Variants in ATP8A1 observed in about 807,000 individuals in gnomAD.
The protein encoded by ATP8A1 is phospholipid-transporting ATPase IA.
In ATP8A1, 90 loss-of-function variants were observed where a neutral mutation model predicts 177.7. The observed-to-expected ratio is 0.51, with a 90% CI of 0.43 to 0.60. ATP8A1 has a LOEUF of 0.60. Ranked by LOEUF, ATP8A1 falls within the 20% of genes least tolerant of loss-of-function variation. ATP8A1 has a pLI of 0.00. For synonymous variants in ATP8A1, 493 were observed against 485.9 expected (o/e 1.01, Z -0.19); for missense variants, 1,072 against 1,392.8 (o/e 0.77, Z 3.67).
intron 14 of ATP8A1, among the ~76,000 whole-genome samples, chr4:42,574,112 T>A (rs1031934230): frequency 2.6e-5 from 4 of 152,216 alleles, no homozygotes; most frequent in Non-Finnish European, 5.9e-5. Flanking sequence ...AAGTTTCTGA[T>A]GATATTAATT....
chr4:42,588,418 C>T (rs1733840393), intron 7 of ATP8A1, 89 bp from the exon 8 acceptor site: 3 of 1,084,262 alleles, frequency 2.8e-6, no homozygotes, highest in Non-Finnish European at 4.1e-6. Context: ...TCACTAAAGC[C>T]TTTCGTTCTA....
intron 6 of ATP8A1, among the ~76,000 whole-genome samples, chr4:42,593,616 C>T (rs961101309): frequency 5.9e-5 from 9 of 151,818 alleles, no homozygotes; most frequent in African/African-American, 1.9e-4. Flanking sequence ...GATAAACAAC[C>T]TCTAAAATAT....
intron 24 of ATP8A1, among the ~76,000 whole-genome samples, chr4:42,500,825 A>C (rs1256542727): frequency 1.3e-5 from 2 of 152,188 alleles, no homozygotes; most frequent in Non-Finnish European, 2.9e-5. Flanking sequence ...TTATGTATTT[A>C]TTTAAATGTT....
intron 24 of ATP8A1, among the ~76,000 whole-genome samples, chr4:42,495,973 C>T (rs895772948): frequency 6.6e-6 from 1 of 152,134 alleles, no homozygotes; most frequent in Non-Finnish European, 1.5e-5. Flanking sequence ...GGTCCAATCT[C>T]CCAGAAGGGT....
chr4:42,579,161 A>G, intron 11 of ATP8A1, among the ~76,000 whole-genome samples: 1 of 151,900 alleles, frequency 6.6e-6, no homozygotes, highest in Admixed American at 6.6e-5. Flanking sequence ...GGGGTGGTAC[A>G]TTAATATCAC....
intron 25 of ATP8A1, among the ~76,000 whole-genome samples, chr4:42,467,509 T>A (rs111807396): frequency 6.6e-6 from 1 of 151,922 alleles, no homozygotes; most frequent in Admixed American, 6.6e-5. Flanking sequence ...CTGGGCAACA[T>A]GGTAAAATCC....
intron 15 of ATP8A1, among the ~76,000 whole-genome samples, chr4:42,565,042 G>A (rs145607019): frequency 0.12 from 18,415 of 152,152 alleles, 1,469 homozygotes; most frequent in East Asian, 0.32. Context: ...TGCCATCCAC[G>A]TAAGACATGA....
chr4:42,528,165 C>T (rs1396457561), intron 20 of ATP8A1, among the ~76,000 whole-genome samples: 3 of 152,048 alleles, frequency 2.0e-5, no homozygotes. Context: ...CCGGGCTCAT[C>T]CTGTGGTCAT....
chr4:42,464,764 C>A lies in ATP8A1; in HGVS notation c.2545G>T (p.Ala849Ser). 1 of 1,613,652 alleles carries A rather than the reference C, an allele frequency of 6.2e-7. No individual in the cohort carries two copies. ...TTGGAGACTCTGTTATAGTTCCAGG[C>A]ACCATGAATCATCAGTAAATTCTTC... Reference protein sequence around the residue: ...YLKNLLMIHGAWNYNRVSKCI... With the variant: ...YLKNLLMIHGSWNYNRVSKCI... Residue 849 changes from alanine (A) to serine (S), a missense_variant, in exon 27 of 37, where the codon GCC becomes TCC. By Grantham distance (99) the Ala-to-Ser change is moderately conservative. Around this residue, in one of 5 missense-constraint regions of ATP8A1, gnomAD observed 316 missense variants for 459.1 expected, o/e 0.69. Coordinates refer to ENST00000381668, the MANE Select transcript of ATP8A1 (RefSeq NM_006095.2).
intron 1 of ATP8A1, among the ~76,000 whole-genome samples, chr4:42,646,588 C>A (rs917231293): frequency 1.3e-5 from 2 of 152,156 alleles, no homozygotes; most frequent in African/African-American, 2.4e-5. Context: ...CTCAACCCTG[C>A]ATACCATTGT....
At chr4:42,459,735 AGT>A (rs1384344673) in intron 27 of ATP8A1, among the ~76,000 whole-genome samples, 1 of 152,136 alleles carries the variant, frequency 6.6e-6, no homozygotes, top group Non-Finnish European at 1.5e-5. Flanking sequence ...TGAACGAGTA[AGT>A]TCATTTACGT....
intron 25 of ATP8A1, among the ~76,000 whole-genome samples, chr4:42,480,454 TAA>T (rs1242732934): frequency 3.9e-5 from 6 of 152,350 alleles, no homozygotes; most frequent in Admixed American, 3.9e-4. Flanking sequence ...TAACAGTTTG[TAA>T]AAGTCTTTTC....
intron 5 of ATP8A1, among the ~76,000 whole-genome samples, chr4:42,601,947 T>C (rs1040088686): frequency 6.6e-6 from 1 of 152,120 alleles, no homozygotes; most frequent in African/African-American, 2.4e-5. Context: ...TAAATTAAAA[T>C]ATTATCTGTG....
intron 25 of ATP8A1, among the ~76,000 whole-genome samples, chr4:42,479,998 G>GTGTA (rs1428133491): frequency 1.0e-4 from 15 of 144,824 alleles, no homozygotes; most frequent in Admixed American, 7.6e-4. Context: ...AGTTCTGCTT[G>GTGTA]TGTGTGTGTG....
chr4:42,484,885 C>G (rs1033569293), intron 25 of ATP8A1, among the ~76,000 whole-genome samples: 1 of 152,130 alleles, frequency 6.6e-6, no homozygotes, highest in East Asian at 1.9e-4. Flanking sequence ...TACTTTAGGT[C>G]TTAGGAAGAC....
intron 18 of ATP8A1, among the ~76,000 whole-genome samples, chr4:42,549,866 G>A (rs560987426): frequency 9.2e-5 from 14 of 152,142 alleles, no homozygotes; most frequent in African/African-American, 2.4e-4. Context: ...CAAATACAAC[G>A]ATGTTCAGCT....
chr4:42,549,373 T>C (rs1729261061), intron 18 of ATP8A1, among the ~76,000 whole-genome samples: 1 of 152,066 alleles, frequency 6.6e-6, no homozygotes, highest in African/African-American at 2.4e-5. Flanking sequence ...AATGAACAGA[T>C]TATGTGGTGT....
intron 7 of ATP8A1, among the ~76,000 whole-genome samples, chr4:42,589,845 AATT>A (rs1733979785): frequency 1.0e-5 from 1 of 96,328 alleles, no homozygotes; most frequent in African/African-American, 3.7e-5. Context: ...ATAATATTCT[AATT>A]CTACTTTTTT....
At chr4:42,451,106 A>G (rs1717885092) in intron 30 of ATP8A1, among the ~76,000 whole-genome samples, 1 of 152,116 alleles carries the variant, frequency 6.6e-6, no homozygotes, top group South Asian at 2.1e-4. Context: ...TCTTTATGGA[A>G]TTCTGAGGAG....
Sources: allele counts gnomAD v4.1 joint callset (sites outside exome capture counted in the v4.1 genomes callset), GRCh38; gene constraint gnomAD v4.1.1; regional missense constraint gnomAD v4.1.1; transcripts MANE v1.5; gene names NCBI Gene and HGNC (gene_info 2026-07-23, HGNC 2026-07-21).